The following CACNB2 variants were observed in gnomAD, a reference collection of about 807,000 sequenced individuals.
CACNB2 encodes calcium voltage-gated channel auxiliary subunit beta 2, also known as voltage-dependent L-type calcium channel subunit beta-2.
CACNB2 carries 42 observed loss-of-function variants against 73.3 expected under a neutral mutation model. The ratio of observed to expected loss-of-function variants is 0.57; its 90% CI spans 0.45 to 0.74. The LOEUF (loss-of-function observed/expected upper bound fraction) is 0.74. CACNB2 is among the 30% of genes least tolerant of loss of function. The probability of loss-of-function intolerance (pLI) is 0.00; values close to 1 mark genes in which losing one functional copy is unlikely to be tolerated. For missense variants in CACNB2, 940 were observed against 853.0 expected, an observed-to-expected ratio of 1.10 and a Z score of -1.27; for synonymous variants, 348 against 310.3, an observed-to-expected ratio of 1.12 and a Z score of -1.28.
intron 2 of CACNB2, among the ~76,000 whole-genome samples, chr10:18,370,859 ATG>A (rs748147326): frequency 1.8e-4 from 28 of 152,202 alleles, no homozygotes; most frequent in Admixed American, 3.3e-4. Context: ...ATACACACAT[ATG>A]TGTATATATT....
intron 3 of CACNB2, among the ~76,000 whole-genome samples, chr10:18,414,359 CTGTT>C (rs1328924527): frequency 1.3e-5 from 2 of 152,054 alleles, no homozygotes; most frequent in African/African-American, 2.4e-5. Flanking sequence ...ACATTGCTCT[CTGTT>C]TATTTATGGT....
At chr10:18,492,213 A>T (rs542461481) in intron 3 of CACNB2, among the ~76,000 whole-genome samples, 1 of 152,316 alleles carries the variant, frequency 6.6e-6, no homozygotes, top group East Asian at 1.9e-4. Flanking sequence ...CCTATGATCC[A>T]ATCACCTCCT....
At chr10:18,200,917 A>G (rs946386323) in intron 2 of CACNB2, among the ~76,000 whole-genome samples, 2 of 152,294 alleles carry the variant, frequency 1.3e-5, no homozygotes, top group South Asian at 2.1e-4. Flanking sequence ...AGATCTTTGC[A>G]CTACATTTAT....
chr10:18,258,892 T>A (rs76014334), intron 2 of CACNB2, among the ~76,000 whole-genome samples: 2 of 31,518 alleles, frequency 6.3e-5, no homozygotes, highest in African/African-American at 4.1e-4. Context: ...TGGTGAGGGA[T>A]TTTTTTTTTT....
At chr10:18,264,990 C>T (rs2037724787) in intron 2 of CACNB2, among the ~76,000 whole-genome samples, 1 of 152,120 alleles carries the variant, frequency 6.6e-6, no homozygotes, top group Admixed American at 6.6e-5. Flanking sequence ...TGTTCACTCC[C>T]ACCTGTGTGC....
chr10:18,431,999 G>A (rs569964397), intron 3 of CACNB2, among the ~76,000 whole-genome samples: 151 of 152,234 alleles, frequency 9.9e-4, no homozygotes, highest in Non-Finnish European at 1.8e-3. Flanking sequence ...TCCTGACCTC[G>A]TGATCCGCCT....
chr10:18,407,950 A>T (rs1018170538), intron 3 of CACNB2, among the ~76,000 whole-genome samples: 2 of 152,042 alleles, frequency 1.3e-5, no homozygotes, highest in Non-Finnish European at 2.9e-5. Flanking sequence ...TTTTTACATA[A>T]TGGAGACTTT....
At chr10:18,197,936 T>C (rs907965569) in intron 2 of CACNB2, among the ~76,000 whole-genome samples, 10 of 148,192 alleles carry the variant, frequency 6.7e-5, no homozygotes, top group Non-Finnish European at 1.0e-4. Context: ...ATGGTTAATA[T>C]ATAGTCAATT....
intron 3 of CACNB2, among the ~76,000 whole-genome samples, chr10:18,470,884 A>G (rs1055270921): frequency 6.6e-6 from 1 of 152,204 alleles, no homozygotes; most frequent in Admixed American, 6.5e-5. Context: ...ACTGACATGC[A>G]AGGGGAAAGG....
At chr10:18,479,708 GC>G (rs2048625206) in intron 3 of CACNB2, among the ~76,000 whole-genome samples, 1 of 134,740 alleles carries the variant, frequency 7.4e-6, no homozygotes, top group Non-Finnish European at 1.6e-5. Context: ...TCGCTCGCTC[GC>G]TCTCTCGCTC....
Position 18,150,009 on chromosome 10 carries a change from A to T in CACNB2, c.121-874A>T, listed in dbSNP as rs114055091. On this transcript the variant is annotated intron_variant, in intron 1 of 13. Coordinates refer to ENST00000324631, the MANE Select transcript of CACNB2 (RefSeq NM_201596.3). Reference sequence around the variant, plus strand: ...AATTTGGTGAAGATTTGCTATGTCCAGGATTCTAACCTGTGTGCTACATTT... The same window carrying T: ...AATTTGGTGAAGATTTGCTATGTCCTGGATTCTAACCTGTGTGCTACATTT... 4.2e-3 allele frequency among the ~76,000 whole-genome samples: 641 copies of T among 152,368 alleles called. 3 individuals carry two copies. Among genetic ancestry groups the T allele is most frequent in the African/African-American group, 0.013 (535 of 41,588 alleles).
At chr10:18,333,572 GA>G (rs2040886361) in intron 2 of CACNB2, among the ~76,000 whole-genome samples, 1 of 152,010 alleles carries the variant, frequency 6.6e-6, no homozygotes, top group Admixed American at 6.5e-5. Flanking sequence ...TATTTTTTGA[GA>G]AAAGCATGTG....
At chr10:18,266,080 C>T (rs535010137) in intron 2 of CACNB2, among the ~76,000 whole-genome samples, 3 of 152,266 alleles carry the variant, frequency 2.0e-5, no homozygotes, top group East Asian at 3.9e-4. Flanking sequence ...TTAAGCAATT[C>T]GGTACTCTAG....
At chr10:18,149,004 CA>C (rs373972824) in intron 1 of CACNB2, among the ~76,000 whole-genome samples, 554 of 110,454 alleles carry the variant, frequency 5.0e-3, no homozygotes, top group South Asian at 0.012. Context: ...GACACTGTCT[CA>C]AAAAAAAAAA....
chr10:18,200,794 A>G (rs1213747355), intron 2 of CACNB2, among the ~76,000 whole-genome samples: 2 of 152,174 alleles, frequency 1.3e-5, no homozygotes, highest in Non-Finnish European at 2.9e-5. Context: ...CCCATTTCTT[A>G]AGTAAGAAAA....
intron 2 of CACNB2, among the ~76,000 whole-genome samples, chr10:18,209,831 C>A (rs1045571817): frequency 2.0e-5 from 3 of 151,964 alleles, no homozygotes; most frequent in Admixed American, 2.0e-4. Context: ...TAGGACAAAC[C>A]AAACGTAGTC....
At chr10:18,493,823 G>A (rs2132964687) in intron 3 of CACNB2, among the ~76,000 whole-genome samples, 1 of 152,246 alleles carries the variant, frequency 6.6e-6, no homozygotes, top group East Asian at 1.9e-4. Flanking sequence ...GTGAGACCAG[G>A]GAATCAGAAG....
intron 2 of CACNB2, among the ~76,000 whole-genome samples, chr10:18,282,952 A>T (rs903542880): frequency 2.0e-5 from 3 of 152,196 alleles, no homozygotes; most frequent in African/African-American, 4.8e-5. Flanking sequence ...GAATCTACAA[A>T]GAACTCAAAC....
rs1463795484 is a variant in CACNB2, at chr10:18,532,692, A to AC, written c.1055-1384_1055-1383insC. Reference sequence around the variant, plus strand: ...ACTCTGTCTCAAAAAAAAAAAAAAAAAAAACAAAACAAAAAAACAAACAAA... The same window carrying AC: ...ACTCTGTCTCAAAAAAAAAAAAAAAACAAAACAAAACAAAAAAACAAACAAA... On this transcript the variant is annotated intron_variant, in intron 10 of 13. Transcript: ENST00000324631. Among the ~76,000 whole-genome samples the AC allele has an allele frequency of 3.4e-3, 293 of 87,462 alleles. 4 individuals are homozygous for AC. The highest frequency in any genetic ancestry group is 0.033 in the South Asian group (97 of 2,980). 57.4% of individuals were successfully genotyped at this position (87,462 alleles called of 152,430 possible). A position where few individuals can be genotyped will look rare whatever the true frequency, so the allele number is the denominator to read the frequency against.
Sources: gnomAD v4.1 joint callset for allele counts (sites outside exome capture counted in the v4.1 genomes callset) on GRCh38, gnomAD v4.1.1 for gene constraint, MANE v1.5 for transcripts, NCBI Gene and HGNC (gene_info 2026-07-23, HGNC 2026-07-21) for gene names.